The following LDAH variants were observed in gnomAD, a reference collection of about 807,000 sequenced individuals.
LDAH encodes lipid droplet associated hydrolase.
LDAH carries 26 observed loss-of-function variants against 29.6 expected under a neutral mutation model. That is an observed-to-expected ratio of 0.88 (90% CI 0.64 to 1.22). LDAH has a LOEUF of 1.22. Ranked by LOEUF, LDAH falls within the 50% of genes most tolerant of loss-of-function variation. The pLI, the probability that LDAH is intolerant of heterozygous loss-of-function variation, is 0.00. For missense variants in LDAH, 344 were observed against 387.3 expected (o/e 0.89, Z 0.94); for synonymous variants, 117 against 133.0 (o/e 0.88, Z 0.83).
At chr2:20,789,097 C>G in intron 3 of LDAH, 1 of 1,545,688 alleles carries the variant, frequency 6.5e-7, no homozygotes, top group Non-Finnish European at 8.7e-7. Flanking sequence ...TGTTGTACCT[C>G]TGCACCCACC....
chr2:20,685,505 G>A lies in LDAH; in HGVS notation c.*1398C>T, dbSNP rs1200882504. ...CCTCTGAGAAGTCACTTGCTGTGAT[G>A]TAGAAGCTATGCCAAAGCACAGTAA... On this transcript the variant is annotated 3_prime_UTR_variant, in exon 7 of 7. Transcript: ENST00000237822. 1 of 1,544,552 alleles carries A rather than the reference G, an allele frequency of 6.5e-7. No individual in the cohort carries two copies. Among genetic ancestry groups the A allele is most frequent in the Non-Finnish European group, 8.7e-7 (1 of 1,144,112 alleles).
chr2:20,720,651 C>A (rs114643338), intron 5 of LDAH, among the ~76,000 whole-genome samples: 1 of 151,838 alleles, frequency 6.6e-6, no homozygotes, highest in Non-Finnish European at 1.5e-5. Context: ...CCAAAAGACG[C>A]CGAATTGCTA....
chr2:20,730,147 TC>T (rs1666298402), intron 5 of LDAH, among the ~76,000 whole-genome samples: 1 of 152,222 alleles, frequency 6.6e-6, no homozygotes, highest in Non-Finnish European at 1.5e-5. Flanking sequence ...AAAAGTCTGT[TC>T]CTTTTTATTA....
chr2:20,757,571 T>A (rs1006907250), intron 4 of LDAH, among the ~76,000 whole-genome samples: 1 of 152,200 alleles, frequency 6.6e-6, no homozygotes, highest in African/African-American at 2.4e-5. Context: ...ATTTTACATG[T>A]CAGCTTGACT....
At chr2:20,783,666 T>C (rs1224940166) in intron 3 of LDAH, among the ~76,000 whole-genome samples, 1 of 152,182 alleles carries the variant, frequency 6.6e-6, no homozygotes, top group Non-Finnish European at 1.5e-5. Context: ...ACTTGCAACA[T>C]ATCTGTGTCT....
intron 5 of LDAH, among the ~76,000 whole-genome samples, chr2:20,724,775 T>C (rs2149405535): frequency 6.6e-6 from 1 of 152,322 alleles, no homozygotes; most frequent in Middle Eastern, 3.4e-3. Context: ...AGGTGATGCA[T>C]AAATAGTTTT....
At chr2:20,808,735 G>A (rs367894718) in intron 1 of LDAH, among the ~76,000 whole-genome samples, 4 of 151,074 alleles carry the variant, frequency 2.6e-5, no homozygotes, top group African/African-American at 9.7e-5. Context: ...CCTATATCCA[G>A]GTTTAATAAA....
intron 5 of LDAH, among the ~76,000 whole-genome samples, chr2:20,713,983 G>A (rs973751372): frequency 7.2e-5 from 11 of 152,116 alleles, no homozygotes; most frequent in Non-Finnish European, 1.2e-4. Flanking sequence ...GAGCCAGAAG[G>A]TTAACAAGCA....
In LDAH at chr2:20,700,956, G is replaced by A. The variant is rs939086934; in HGVS notation, c.786+614C>T. Among the ~76,000 whole-genome samples the A allele has an allele frequency of 7.9e-5, 12 of 152,080 alleles. 1 individual carries two copies. The highest frequency in any genetic ancestry group is 4.2e-4 in the South Asian group (2 of 4,814). On this transcript the variant is annotated intron_variant, in intron 6 of 6. Transcript: ENST00000237822. ...AGTACAGTTCTGTCCTACTCAGAAC[G>A]GACAGCCAGACAAATGATGCCACAG...
At chr2:20,801,956 G>A (rs1014053645) in intron 1 of LDAH, among the ~76,000 whole-genome samples, 186 of 142,528 alleles carry the variant, frequency 1.3e-3, no homozygotes, top group African/African-American at 3.9e-3. Flanking sequence ...GTGTGTGTGT[G>A]TATGTGTGTG....
At chr2:20,725,294 C>T (rs546715743) in intron 5 of LDAH, among the ~76,000 whole-genome samples, 4 of 152,252 alleles carry the variant, frequency 2.6e-5, no homozygotes, top group African/African-American at 9.6e-5. Context: ...TTAAAACTCC[C>T]TTTAAAATAA....
At chr2:20,713,070 C>A (rs185789090) in intron 5 of LDAH, among the ~76,000 whole-genome samples, 144 of 152,146 alleles carry the variant, frequency 9.5e-4, no homozygotes, top group African/African-American at 2.9e-3. Flanking sequence ...GAAGAGCAAC[C>A]CCAAGACACA....
chr2:20,764,707 T>A (rs1320105131), intron 4 of LDAH, among the ~76,000 whole-genome samples: 2 of 152,196 alleles, frequency 1.3e-5, no homozygotes, highest in Non-Finnish European at 2.9e-5. Flanking sequence ...CCAAATAGTT[T>A]GGTGATTTGT....
chr2:20,692,712 T>C lies in LDAH; in HGVS notation c.787-5618A>G, dbSNP rs6727722. Among the ~76,000 whole-genome samples the C allele has an allele frequency of 6.6e-3, 998 of 152,308 alleles. 11 individuals are homozygous for C. The highest frequency in any genetic ancestry group is 0.022 in the African/African-American group (921 of 41,558). On this transcript the variant is annotated intron_variant, in intron 6 of 6. Coordinates refer to ENST00000237822, the MANE Select transcript of LDAH (RefSeq NM_021925.4). ...TTTGGTACAAACGATATCTCATCAA[T>C]ACAACTTGAAATGTTTCCAACGAGA...
chr2:20,747,029 T>C (rs1321523504), intron 4 of LDAH, among the ~76,000 whole-genome samples: 2 of 152,128 alleles, frequency 1.3e-5, no homozygotes, highest in African/African-American at 4.8e-5. Context: ...TTTATTATTA[T>C]TGTTGTAATC....
chr2:20,814,240 G>C (rs1260832235), intron 1 of LDAH, among the ~76,000 whole-genome samples: 1 of 141,506 alleles, frequency 7.1e-6, no homozygotes, highest in East Asian at 2.2e-4. Flanking sequence ...GGGGGGGGGG[G>C]GTCCATGGTT....
At chr2:20,738,117 TG>T in intron 5 of LDAH, among the ~76,000 whole-genome samples, 1 of 151,808 alleles carries the variant, frequency 6.6e-6, no homozygotes, top group South Asian at 2.1e-4. Flanking sequence ...CTGGTCACAG[TG>T]GTGCTTGCCT....
chr2:20,780,273 G>A (rs1296557093), intron 3 of LDAH, among the ~76,000 whole-genome samples: 2 of 151,942 alleles, frequency 1.3e-5, no homozygotes, highest in Non-Finnish European at 2.9e-5. Flanking sequence ...TTCTCCAAAC[G>A]GTGAAAACCA....
chr2:20,804,147 G>A (rs1422183271), intron 1 of LDAH, among the ~76,000 whole-genome samples: 1 of 152,142 alleles, frequency 6.6e-6, no homozygotes, highest in Non-Finnish European at 1.5e-5. Context: ...GTCATGTCAT[G>A]CCACACTTTC....
Sources: gnomAD v4.1 joint callset for allele counts (sites outside exome capture counted in the v4.1 genomes callset) on GRCh38, gnomAD v4.1.1 for gene constraint, MANE v1.5 for transcripts, NCBI Gene and HGNC (gene_info 2026-07-23, HGNC 2026-07-21) for gene names.